Variants in PCDHGA1 observed in about 807,000 individuals in gnomAD.
PCDHGA1 encodes protocadherin gamma-A1.
A neutral mutation model predicts 58.0 loss-of-function variants in PCDHGA1; 32 were observed. That is an observed-to-expected ratio of 0.55 (90% CI 0.42 to 0.74). PCDHGA1 has a LOEUF of 0.74. Ranked by LOEUF, PCDHGA1 falls within the 30% of genes least tolerant of loss-of-function variation. The pLI is 0.00. For missense variants in PCDHGA1, 1,205 were observed against 1,182.3 expected (o/e 1.02, Z -0.28); for synonymous variants, 498 against 501.1 (o/e 0.99, Z 0.08).
At position 141,494,693 on chromosome 5, in the gene PCDHGA1, G is replaced by A. The variant is rs2099756182; in HGVS notation, c.2422-114G>A. The A allele has an allele frequency of 5.0e-6, 8 of 1,585,786 alleles. No individual in the cohort carries two copies. In the South Asian group the frequency reaches 6.8e-5, roughly 13 times the overall value. ...GTCCACCCCTGCCCCCTCTTAGTCC[G>A]TTTTCTTCTCTGTGCCCACTCCCCT... is the stretch of plus-strand genomic sequence containing the variant. On this transcript the variant is annotated intron_variant, in intron 1 of 3. Transcript: ENST00000517417.
chr5:141,383,504 G>A lies in PCDHGA1; in HGVS notation c.2421+50399G>A, dbSNP rs373658496. On this transcript the variant is annotated intron_variant, in intron 1 of 3. Coordinates refer to ENST00000517417, the MANE Select transcript of PCDHGA1 (RefSeq NM_018912.3). Reference sequence around the variant, plus strand: ...CTGGTGCTGGAGCGGGTGCTGGACCGGGAGGAAGAGCGGGTTCACCACCTG... The same window carrying A: ...CTGGTGCTGGAGCGGGTGCTGGACCAGGAGGAAGAGCGGGTTCACCACCTG... 1.3e-5 allele frequency: 21 copies of A among 1,612,648 alleles called. No homozygotes were observed. In the Admixed American group the frequency reaches 2.8e-4, roughly 22 times the overall value.
rs777487681 is a variant in PCDHGA1, at chr5:141,432,809, T to C, written c.2422-61998T>C. 2.5e-6 allele frequency: 4 copies of C among 1,613,280 alleles called. No individual in the cohort carries two copies. In the African/African-American group the frequency reaches 5.4e-5, roughly 22 times the overall value. The stretch of plus-strand genomic sequence containing the variant: ...CGGCAGCCTCGAGTCTCCAGCTAAC[T>C]CTGAAACCTCAGACCTCACTCTGTA... On this transcript the variant is annotated intron_variant, in intron 1 of 3. Coordinates refer to ENST00000517417, the MANE Select transcript of PCDHGA1 (RefSeq NM_018912.3). The surrounding 1 kb of genome is among the most constrained non-coding windows in gnomAD (Gnocchi z 6.0).
At position 141,490,448 on chromosome 5, in the gene PCDHGA1, A is replaced by C. The variant is rs1309104827; in HGVS notation, c.2422-4359A>C. 1 of 1,614,206 alleles carries C rather than the reference A, an allele frequency of 6.2e-7. No homozygotes were observed. Among genetic ancestry groups the C allele is most frequent in the Admixed American group, 1.7e-5 (1 of 60,030 alleles). ...TTTCAGATTAAGCCTTCTGAGAACC[A>C]CTACTCGCTGCTAACCAGCCAGCCT... is the stretch of plus-strand genomic sequence containing the variant. On this transcript the variant is annotated intron_variant, in intron 1 of 3. Coordinates refer to ENST00000517417, the MANE Select transcript of PCDHGA1 (RefSeq NM_018912.3). This position sits in a 1 kb window ranked among gnomAD's most constrained non-coding sequence, Gnocchi z 5.4.
chr5:141,473,848 A>T (rs1281010822), intron 1 of PCDHGA1, among the ~76,000 whole-genome samples: 1 of 152,198 alleles, frequency 6.6e-6, no homozygotes, highest in Non-Finnish European at 1.5e-5. Flanking sequence ...TTTTAGGAAG[A>T]TGAACCTCGC....
chr5:141,463,653 G>A (rs1378583183), intron 1 of PCDHGA1, among the ~76,000 whole-genome samples: 2 of 151,764 alleles, frequency 1.3e-5, no homozygotes, highest in Admixed American at 6.6e-5. Context: ...GGGTTTCACC[G>A]TGTTAGCCAG....
chr5:141,491,311 A>G lies in PCDHGA1; in HGVS notation c.2422-3496A>G. On this transcript the variant is annotated intron_variant, in intron 1 of 3. Transcript: ENST00000517417. This position sits in a 1 kb window ranked among gnomAD's most constrained non-coding sequence, Gnocchi z 6.9. The stretch of plus-strand genomic sequence containing the variant: ...ACACCCTCCTGAGCGTTCAGACCTT[A>G]CCCTTTACCTCATTGTGGCTCTAGC... 1 of 1,613,932 alleles carries G rather than the reference A, an allele frequency of 6.2e-7. No homozygotes were observed. Among genetic ancestry groups the G allele is most frequent in the Non-Finnish European group, 8.5e-7 (1 of 1,179,940 alleles).
chr5:141,495,702 T>C (rs1462896403), intron 2 of PCDHGA1, among the ~76,000 whole-genome samples: 3 of 152,212 alleles, frequency 2.0e-5, no homozygotes, highest in Non-Finnish European at 4.4e-5. Context: ...TCAATAAATG[T>C]GGAGTGAGTA....
intron 1 of PCDHGA1, chr5:141,352,148 G>A (rs777837262): frequency 1.2e-6 from 2 of 1,612,336 alleles, no homozygotes; most frequent in African/African-American, 2.7e-5. Flanking sequence ...TGCCTTGGGC[G>A]ACAGGGACGC....
chr5:141,398,861 A>G, intron 1 of PCDHGA1: 1 of 1,613,990 alleles, frequency 6.2e-7, no homozygotes, highest in South Asian at 1.1e-5. Flanking sequence ...TTCAACCGAG[A>G]CGTGTACAGA....
At chr5:141,344,151 G>A (rs76939403) in intron 1 of PCDHGA1, 1 of 1,614,062 alleles carries the variant, frequency 6.2e-7, no homozygotes, top group Non-Finnish European at 8.5e-7. Context: ...TGAGGAGCTA[G>A]ATAAAGGTTC....
chr5:141,505,628 A>C, intron 3 of PCDHGA1, 147 bp downstream of exon 3: 1 of 1,481,752 alleles, frequency 6.7e-7, no homozygotes, highest in Non-Finnish European at 9.0e-7. Flanking sequence ...ACAATTCCAA[A>C]CATAAAGCCT....
chr5:141,494,431 T>C (rs1403792155), intron 1 of PCDHGA1, among the ~76,000 whole-genome samples: 1 of 152,158 alleles, frequency 6.6e-6, no homozygotes, highest in Non-Finnish European at 1.5e-5. Context: ...TTGAAAAGCC[T>C]CCTTTGCCAC....
At chr5:141,384,638 G>C in intron 1 of PCDHGA1, 1 of 1,614,188 alleles carries the variant, frequency 6.2e-7, no homozygotes, top group Non-Finnish European at 8.5e-7. Context: ...CTGGCACCCC[G>C]CTCCGCAGAG....
intron 1 of PCDHGA1, chr5:141,403,588 C>CGGTG (rs773103981): frequency 1.2e-6 from 2 of 1,613,904 alleles, no homozygotes; most frequent in East Asian, 2.2e-5. Flanking sequence ...ACCTGGTCCT[C>CGGTG]ACGGCCTCGG....
intron 1 of PCDHGA1, among the ~76,000 whole-genome samples, chr5:141,335,838 T>A (rs1756584877): frequency 6.6e-6 from 1 of 152,172 alleles, no homozygotes; most frequent in Non-Finnish European, 1.5e-5. Flanking sequence ...GATATTTACA[T>A]CTACACCCTT....
At chr5:141,393,624 G>A (rs1190793808) in intron 1 of PCDHGA1, 1 of 1,613,972 alleles carries the variant, frequency 6.2e-7, no homozygotes, top group Non-Finnish European at 8.5e-7. Flanking sequence ...CGACCCGGAT[G>A]AGGGAATCAA....
At chr5:141,373,660 C>G (rs1045727807) in intron 1 of PCDHGA1, among the ~76,000 whole-genome samples, 15 of 152,296 alleles carry the variant, frequency 9.8e-5, no homozygotes, top group Admixed American at 3.3e-4. Context: ...GAGATATTTT[C>G]ATAAAAATGA....
At position 141,490,857 on chromosome 5, in the gene PCDHGA1, C is replaced by G; in HGVS notation, c.2422-3950C>G. 6.2e-7 allele frequency: 1 copy of G among 1,613,832 alleles called. No homozygotes were observed. Among genetic ancestry groups the G allele is most frequent in the Admixed American group, 1.7e-5 (1 of 60,012 alleles). On this transcript the variant is annotated intron_variant, in intron 1 of 3. Coordinates refer to ENST00000517417, the MANE Select transcript of PCDHGA1 (RefSeq NM_018912.3). The surrounding 1 kb of genome is among the most constrained non-coding windows in gnomAD (Gnocchi z 5.4). ...AGATTGTGGTGGGGGTTCGAGACTCCGGCTCTCCCCCATTGCATGCCAACA... is the reference window on the plus strand; with the variant it reads ...AGATTGTGGTGGGGGTTCGAGACTCGGGCTCTCCCCCATTGCATGCCAACA...
chr5:141,441,230 ATTTAAATCACAAGATC>A (rs1009424536), intron 1 of PCDHGA1: 1 of 152,196 alleles, frequency 6.6e-6, no homozygotes, highest in African/African-American at 2.4e-5. Context: ...ACTGTCCAGG[ATTTAAATCACAAGATC>A]TTTAAATCAC....
Sources: gnomAD v4.1 joint callset for allele counts (sites outside exome capture counted in the v4.1 genomes callset) on GRCh38, gnomAD v4.1.1 for gene constraint, Gnocchi (gnomAD v3.1) non-coding constraint, MANE v1.5 for transcripts, NCBI Gene and HGNC (gene_info 2026-07-23, HGNC 2026-07-21) for gene names.